Variants in SND1 observed in about 807,000 individuals in gnomAD.
The protein encoded by SND1 is staphylococcal nuclease and tudor domain containing 1.
A neutral mutation model predicts 121.7 loss-of-function variants in SND1; 38 were observed. That is an observed-to-expected ratio of 0.31 (90% CI 0.24 to 0.41). The LOEUF is 0.41. SND1 is among the 10% of genes least tolerant of loss of function. SND1 has a pLI of 1.00. For synonymous variants in SND1, 401 were observed against 447.4 expected (o/e 0.90, Z 1.31); for missense variants, 868 against 1,184.6 (o/e 0.73, Z 3.92).
chr7:127,804,816 GT>G (rs1196938740), intron 10 of SND1, among the ~76,000 whole-genome samples: 3 of 152,096 alleles, frequency 2.0e-5, no homozygotes, highest in Non-Finnish European at 4.4e-5. Flanking sequence ...TAAGGTCAGT[GT>G]CGTTATTTTG....
At chr7:127,735,082 T>C (rs1479849750) in intron 10 of SND1, among the ~76,000 whole-genome samples, 1 of 152,148 alleles carries the variant, frequency 6.6e-6, no homozygotes, top group Non-Finnish European at 1.5e-5. Context: ...CGTGAGGTGC[T>C]GGGCATGCAC....
intron 16 of SND1, chr7:128,030,690 G>A (rs753576514): frequency 1.9e-5 from 29 of 1,524,032 alleles, no homozygotes; most frequent in Non-Finnish European, 2.3e-5. Context: ...GGCTCGGAAA[G>A]GAGAACCAGC....
chr7:127,873,801 A>G (rs1464911065), intron 12 of SND1, among the ~76,000 whole-genome samples: 5 of 152,130 alleles, frequency 3.3e-5, no homozygotes, highest in Admixed American at 6.6e-5. Flanking sequence ...ACATGCCACC[A>G]CACCCAGCTG....
rs537122486 is a variant in SND1, at chr7:127,829,680, A to G, written c.1243-14644A>G. On this transcript the variant is annotated intron_variant, in intron 11 of 23. Coordinates refer to ENST00000354725, the MANE Select transcript of SND1 (RefSeq NM_014390.4). ...GTACACCGTAGTGGATAAACAAAGT[A>G]TGGTATATCCTTACAATCAGTACAT... is the stretch of plus-strand genomic sequence containing the variant. 7.2e-5 allele frequency among the ~76,000 whole-genome samples: 11 copies of G among 152,352 alleles called. No homozygotes were observed. The East Asian group carries it at 2.1e-3, about 29-fold the overall frequency.
At chr7:127,736,669 C>G (rs146853183) in intron 10 of SND1, among the ~76,000 whole-genome samples, 197 of 152,334 alleles carry the variant, frequency 1.3e-3, no homozygotes, top group Non-Finnish European at 1.8e-3. Flanking sequence ...TGGCAGTACA[C>G]TCTCTAATCA....
In SND1 at chr7:127,950,550, G is replaced by C. The variant is rs561133890; in HGVS notation, c.1669+21221G>C. 2.6e-5 allele frequency among the ~76,000 whole-genome samples: 4 copies of C among 152,302 alleles called. No homozygotes were observed. The East Asian group carries it at 7.7e-4, about 29-fold the overall frequency. On this transcript the variant is annotated intron_variant, in intron 15 of 23. Coordinates refer to ENST00000354725, the MANE Select transcript of SND1 (RefSeq NM_014390.4). ...AATGCTATTGTCTGGGAAGGCCTTTGCCTTATGACATTTTAGGGCATATCC... is the reference window on the plus strand; with the variant it reads ...AATGCTATTGTCTGGGAAGGCCTTTCCCTTATGACATTTTAGGGCATATCC...
chr7:127,886,992 C>T (rs1164202007), intron 12 of SND1, among the ~76,000 whole-genome samples: 3 of 151,944 alleles, frequency 2.0e-5, no homozygotes, highest in Non-Finnish European at 4.4e-5. Flanking sequence ...CTTTGTTCCC[C>T]ATCTTGATTT....
intron 16 of SND1, among the ~76,000 whole-genome samples, chr7:128,004,818 G>A (rs369433971): frequency 6.6e-6 from 1 of 152,190 alleles, no homozygotes; most frequent in Non-Finnish European, 1.5e-5. Context: ...TTGCCTGTGT[G>A]GTCAGTATCC....
chr7:127,870,754 G>A (rs1799569985), intron 12 of SND1, among the ~76,000 whole-genome samples: 1 of 152,112 alleles, frequency 6.6e-6, no homozygotes, highest in South Asian at 2.1e-4. Context: ...GGATGTTACT[G>A]TACGCTACTG....
chr7:127,812,173 T>C (rs1348511741), intron 11 of SND1, among the ~76,000 whole-genome samples: 1 of 152,282 alleles, frequency 6.6e-6, no homozygotes. Flanking sequence ...CTCTGTTGTG[T>C]ATACTGAGTC....
intron 10 of SND1, among the ~76,000 whole-genome samples, chr7:127,801,861 A>T (rs1024777407): frequency 6.6e-6 from 1 of 151,798 alleles, no homozygotes; most frequent in Non-Finnish European, 1.5e-5. Context: ...TTTTTTTTTG[A>T]GACAGAGTCT....
At chr7:127,678,408 C>T (rs1236052000) in intron 1 of SND1, among the ~76,000 whole-genome samples, 2 of 152,254 alleles carry the variant, frequency 1.3e-5, no homozygotes, top group Admixed American at 6.5e-5. Flanking sequence ...ACAGTTGGCT[C>T]GGGAGCAGCA....
intron 1 of SND1, among the ~76,000 whole-genome samples, chr7:127,681,703 A>G (rs1278447921): frequency 6.6e-6 from 1 of 152,140 alleles, no homozygotes. Flanking sequence ...TTGCACATGG[A>G]GATCTAGTTG....
chr7:127,689,761 C>G (rs1244477688), intron 2 of SND1, among the ~76,000 whole-genome samples: 1 of 152,180 alleles, frequency 6.6e-6, no homozygotes, highest in East Asian at 1.9e-4. Flanking sequence ...CAGATTTCAT[C>G]TTTTCCTAGC....
chr7:128,044,977 T>C (rs538259812), intron 16 of SND1, among the ~76,000 whole-genome samples: 1 of 152,192 alleles, frequency 6.6e-6, no homozygotes, highest in Non-Finnish European at 1.5e-5. Flanking sequence ...TAGCACAGAT[T>C]ACAGGGTCTG....
intron 16 of SND1, chr7:128,031,532 A>C (rs921496127): frequency 6.6e-6 from 1 of 150,890 alleles, no homozygotes; most frequent in African/African-American, 2.4e-5. Context: ...CTCTTCTCGG[A>C]GGGTGGAAGA....
intron 14 of SND1, among the ~76,000 whole-genome samples, chr7:127,914,646 G>A (rs776239595): frequency 1.6e-4 from 24 of 152,188 alleles, no homozygotes; most frequent in Admixed American, 7.9e-4. Flanking sequence ...TGTATTTGGA[G>A]AAAAGTGCCC....
chr7:127,804,915 A>G (rs901542699), intron 10 of SND1, among the ~76,000 whole-genome samples: 1 of 152,194 alleles, frequency 6.6e-6, no homozygotes, highest in Non-Finnish European at 1.5e-5. Context: ...TGTTTGGTGA[A>G]TATGAGTACG....
At chr7:128,026,679 G>A (rs917239471) in intron 16 of SND1, among the ~76,000 whole-genome samples, 1 of 152,148 alleles carries the variant, frequency 6.6e-6, no homozygotes, top group African/African-American at 2.4e-5. Context: ...TGAAATCCAG[G>A]TCCCCCAGGT....
Sources: allele counts gnomAD v4.1 joint callset (sites outside exome capture counted in the v4.1 genomes callset), GRCh38; gene constraint gnomAD v4.1.1; transcripts MANE v1.5; gene names NCBI Gene and HGNC (gene_info 2026-07-23, HGNC 2026-07-21).